The following PSMA3 variants were observed in gnomAD, a reference collection of about 807,000 sequenced individuals.
PSMA3 encodes the protein proteasome 20S subunit alpha 3.
Under a neutral mutation model 40.0 loss-of-function variants are expected in PSMA3, and 8 were observed. The ratio of observed to expected loss-of-function variants is 0.20; its 90% CI spans 0.12 to 0.36. The LOEUF (loss-of-function observed/expected upper bound fraction) is 0.36, where lower values mean the gene tolerates loss of function less well. Ranked by LOEUF, PSMA3 falls within the 10% of genes least tolerant of loss-of-function variation. The pLI, the probability that PSMA3 is intolerant of heterozygous loss-of-function variation, is 1.00. For synonymous variants in PSMA3, 110 were observed against 100.0 expected, an observed-to-expected ratio of 1.10 and a Z score of -0.59; for missense variants, 219 against 310.6, an observed-to-expected ratio of 0.70 and a Z score of 2.22.
intron 2 of PSMA3, among the ~76,000 whole-genome samples, chr14:58,250,117 G>A (rs1276633418): frequency 6.7e-6 from 1 of 149,792 alleles, no homozygotes; most frequent in Non-Finnish European, 1.5e-5. Flanking sequence ...CTACTTGGGA[G>A]GTTGAGACAG....
At chr14:58,248,977 A>G (rs1327503838) in intron 2 of PSMA3, among the ~76,000 whole-genome samples, 1 of 152,140 alleles carries the variant, frequency 6.6e-6, no homozygotes, top group Non-Finnish European at 1.5e-5. Flanking sequence ...CTAGGATTTT[A>G]AAAATGAGAC....
At chr14:58,254,512 T>C (rs1220679659) in intron 3 of PSMA3, among the ~76,000 whole-genome samples, 1 of 150,626 alleles carries the variant, frequency 6.6e-6, no homozygotes, top group African/African-American at 2.4e-5. Flanking sequence ...ATTTTTTAGT[T>C]TTTTTAAGAG....
At chr14:58,254,081 T>G (rs7158746) in intron 3 of PSMA3, among the ~76,000 whole-genome samples, 3 of 150,844 alleles carry the variant, frequency 2.0e-5, no homozygotes, top group Non-Finnish European at 4.4e-5. Context: ...GTAGGCCCCA[T>G]TGTCTGTTGT....
chr14:58,265,677 A>G (rs1229426802), intron 7 of PSMA3: 7 of 152,246 alleles, frequency 4.6e-5, no homozygotes, highest in African/African-American at 1.7e-4. Flanking sequence ...TAAAAAATAA[A>G]AACTTCACAA....
intron 2 of PSMA3, 76 bp downstream of exon 2, chr14:58,247,908 A>T: frequency 1.0e-6 from 1 of 960,582 alleles, no homozygotes; most frequent in Non-Finnish European, 1.6e-6. Context: ...TTGTTATGTT[A>T]CTTTGGTACA....
At chr14:58,248,642 ATG>A (rs1158272568) in intron 2 of PSMA3, among the ~76,000 whole-genome samples, 8 of 151,920 alleles carry the variant, frequency 5.3e-5, no homozygotes, top group Non-Finnish European at 1.0e-4. Flanking sequence ...TTAAAAACGA[ATG>A]TGTTTTTTCC....
At chr14:58,269,707 A>C (rs1444200883) in intron 8 of PSMA3, 1 of 152,186 alleles carries the variant, frequency 6.6e-6, no homozygotes, top group Non-Finnish European at 1.5e-5. Flanking sequence ...TGCTAGGATT[A>C]CAGGCACGAG....
chr14:58,261,399 G>A (rs1890277222), intron 6 of PSMA3, among the ~76,000 whole-genome samples: 1 of 151,104 alleles, frequency 6.6e-6, no homozygotes, highest in South Asian at 2.1e-4. Flanking sequence ...GACTGGTCTT[G>A]AATTCCAGTC....
chr14:58,258,078 A>G, intron 5 of PSMA3, 80 bp downstream of exon 5: 2 of 1,116,730 alleles, frequency 1.8e-6, no homozygotes, highest in Non-Finnish European at 2.6e-6. Flanking sequence ...TTAGCCTTTT[A>G]CATACTTAAA....
At chr14:58,267,280 G>A (rs1163296776) in intron 7 of PSMA3, 194 bp from the exon 8 acceptor site, 11 of 1,028,194 alleles carry the variant, frequency 1.1e-5, no homozygotes, top group Non-Finnish European at 8.5e-6. Flanking sequence ...GGGATTACAG[G>A]CACAAGCCAC....
intron 8 of PSMA3, among the ~76,000 whole-genome samples, chr14:58,269,363 TAA>T (rs935550286): frequency 5.2e-4 from 79 of 152,306 alleles, no homozygotes; most frequent in Middle Eastern, 3.4e-3. Context: ...ACAAGGAGCT[TAA>T]AAAGACTACT....
In PSMA3 at chr14:58,270,477, T is replaced by A; in HGVS notation, c.650T>A (p.Val217Asp). 6.2e-7 allele frequency: 1 copy of A among 1,613,640 alleles called. No individual in the cohort carries two copies. The highest frequency in any genetic ancestry group is 8.5e-7 in the Non-Finnish European group (1 of 1,179,732). The change falls in exon 9 of 11, where the codon GTT becomes GAT. Residue 217 changes from valine to aspartate, a missense_variant. Transcript: ENST00000216455. ...DKAFELELSW[V>D]GELTNGRHEI... ...GCTTTTGAACTAGAACTCAGCTGGG[T>A]TGGTGAATGTAAGTTATTTTTGTAC...
intron 6 of PSMA3, chr14:58,263,466 AT>A: frequency 2.8e-6 from 1 of 358,680 alleles, no homozygotes; most frequent in Non-Finnish European, 5.1e-6. Context: ...ATATGATTAC[AT>A]AATTTACATA....
chr14:58,271,797 G>A, intron 10 of PSMA3, 54 bp from the exon 11 acceptor site: 1 of 1,320,862 alleles, frequency 7.6e-7, no homozygotes, highest in Non-Finnish European at 1.1e-6. Context: ...GCCCACAGGT[G>A]TGGGATATAA....
chr14:58,262,649 G>C (rs1049596052), intron 6 of PSMA3, among the ~76,000 whole-genome samples: 9 of 150,164 alleles, frequency 6.0e-5, no homozygotes, highest in African/African-American at 1.2e-4. Context: ...TGTAACCTCT[G>C]CCTCCCGGAT....
At chr14:58,262,612 G>A (rs1890316317) in intron 6 of PSMA3, among the ~76,000 whole-genome samples, 2 of 151,036 alleles carry the variant, frequency 1.3e-5, no homozygotes, top group African/African-American at 4.9e-5. Context: ...GCCCAGGCTG[G>A]ACTGCAGTGG....
chr14:58,246,580 G>A (rs1485587526), intron 1 of PSMA3, among the ~76,000 whole-genome samples: 3 of 152,008 alleles, frequency 2.0e-5, no homozygotes, highest in Non-Finnish European at 4.4e-5. Context: ...TGTATTTTTC[G>A]TAGAGATGAG....
intron 5 of PSMA3, among the ~76,000 whole-genome samples, chr14:58,259,020 C>G (rs751857037): frequency 6.6e-6 from 1 of 152,148 alleles, no homozygotes; most frequent in Non-Finnish European, 1.5e-5. Context: ...CAGCTTTGAC[C>G]TGGCTCAAGC....
Position 58,252,139 on chromosome 14 carries a change from G to A in PSMA3, c.125G>A (p.Cys42Tyr). 6.2e-7 allele frequency: 1 copy of A among 1,611,532 alleles called. No individual in the cohort carries two copies. Among genetic ancestry groups the A allele is most frequent in the South Asian group, 1.1e-5 (1 of 90,480 alleles). The change falls in exon 3 of 11, where the codon TGC becomes TAC. Residue 42 changes from cysteine to tyrosine, a missense_variant. Cys to Tyr is a radical substitution (Grantham distance 194). Transcript: ENST00000216455. ...TTCAGTACAGCTATTGGAATCAGAT[G>A]CAAAGATGGTGTTGTCTTTGGGGTA... is the stretch of plus-strand genomic sequence containing the variant. The part of the protein sequence containing the change: ...ENSSTAIGIR[C>Y]KDGVVFGVEK...
Sources: allele counts gnomAD v4.1 joint callset (sites outside exome capture counted in the v4.1 genomes callset), GRCh38; gene constraint gnomAD v4.1.1; transcripts MANE v1.5; gene names NCBI Gene and HGNC (gene_info 2026-07-23, HGNC 2026-07-21).